The following EPAS1 variants were observed in gnomAD, a reference collection of about 807,000 sequenced individuals.
EPAS1 encodes the protein endothelial PAS domain protein 1.
In EPAS1, 23 loss-of-function variants were observed where a neutral mutation model predicts 87.9. The observed-to-expected ratio is 0.26, with a 90% CI of 0.19 to 0.37. The LOEUF (loss-of-function observed/expected upper bound fraction) is 0.37. Ranked by LOEUF, EPAS1 falls within the 10% of genes least tolerant of loss-of-function variation. The probability of loss-of-function intolerance (pLI) is 1.00; values close to 1 mark genes in which losing one functional copy is unlikely to be tolerated. For missense variants in EPAS1, 1,138 were observed against 1,120.7 expected (o/e 1.02, Z -0.22); for synonymous variants, 508 against 444.3 (o/e 1.14, Z -1.80).
intron 1 of EPAS1, among the ~76,000 whole-genome samples, chr2:46,319,095 A>C (rs1158206289): frequency 6.6e-6 from 1 of 152,162 alleles, no homozygotes; most frequent in Non-Finnish European, 1.5e-5. Flanking sequence ...TATATTTCTG[A>C]CCAGTGTGTT....
rs761233957 is a variant in EPAS1, at chr2:46,375,772, G to A, written c.969G>A (p.Gly323=). 11 of 1,614,244 alleles carry A rather than the reference G, an allele frequency of 6.8e-6. No homozygotes were observed. Among genetic ancestry groups the A allele is most frequent in the South Asian group, 6.6e-5 (6 of 91,086 alleles). The change falls in exon 8 of 16, where the codon GGG becomes GGA. Residue 323 remains glycine, a synonymous_variant. Coordinates refer to ENST00000263734, the MANE Select transcript of EPAS1 (RefSeq NM_001430.5). This position sits in a 1 kb window ranked among gnomAD's most constrained non-coding sequence, Gnocchi z 4.1. ...HGGYVWLETQ[G]TVIYNPRNLQ... The stretch of plus-strand genomic sequence containing the variant: ...GCTACGTGTGGCTGGAGACCCAGGG[G>A]ACGGTCATCTACAACCCTCGCAACC...
Position 46,385,730 on chromosome 2 carries a change from G to A in EPAS1, c.*1070G>A, listed in dbSNP as rs1221892157. On this transcript the variant is annotated 3_prime_UTR_variant, in exon 16 of 16. Transcript: ENST00000263734. ...ATTATTGCTGCCAAGAGGGTCTGAT[G>A]GCACGTTGTGGGGTCGGGGGGTGGG... 1 of 151,574 alleles carries A rather than the reference G, an allele frequency of 6.6e-6. No individual in the cohort carries two copies. The highest frequency in any genetic ancestry group is 1.9e-4 in the East Asian group (1 of 5,168). The allele number at this position is 151,574 out of a possible 1,614,324, so 9.4% of individuals were successfully genotyped here.
intron 1 of EPAS1, among the ~76,000 whole-genome samples, chr2:46,339,141 A>C (rs912711559): frequency 2.0e-5 from 3 of 152,366 alleles, no homozygotes; most frequent in Admixed American, 6.5e-5. Flanking sequence ...GGCTATTATG[A>C]ATATTTTGAA....
At chr2:46,327,964 C>A (rs983099799) in intron 1 of EPAS1, among the ~76,000 whole-genome samples, 4 of 152,180 alleles carry the variant, frequency 2.6e-5, no homozygotes, top group Non-Finnish European at 5.9e-5. Context: ...CAAATGTTAA[C>A]CTACCTCCGG....
At chr2:46,373,845 A>G (rs1459996064) in intron 7 of EPAS1, among the ~76,000 whole-genome samples, 1 of 152,252 alleles carries the variant, frequency 6.6e-6, no homozygotes, top group Admixed American at 6.5e-5. Flanking sequence ...TTTAATTTGA[A>G]CTATAATTCT....
Position 46,382,519 on chromosome 2 carries a change from C to T in EPAS1, c.2382C>T (p.Asn794=). ...QPPSAISPGE[N]SKSRFPPQCY... is the part of the protein sequence containing the mutation. ...CATCTGCCATCAGTCCCGGGGAGAACAGCAAGAGCAGGTTCCCCCCACAGT... is the reference window on the plus strand; with the variant it reads ...CATCTGCCATCAGTCCCGGGGAGAATAGCAAGAGCAGGTTCCCCCCACAGT... Residue 794 remains asparagine, a synonymous_variant, in exon 15 of 16, where the codon AAC becomes AAT. Transcript: ENST00000263734. The T allele has an allele frequency of 6.2e-7, 1 of 1,614,172 alleles. No individual in the cohort carries two copies. Among genetic ancestry groups the T allele is most frequent in the Non-Finnish European group, 8.5e-7 (1 of 1,180,040 alleles).
Position 46,375,201 on chromosome 2 carries a change from A to C in EPAS1, c.887-489A>C, listed in dbSNP as rs1217912282. 1.4e-5 allele frequency among the ~76,000 whole-genome samples: 2 copies of C among 147,438 alleles called. No individual in the cohort carries two copies. Among genetic ancestry groups the C allele is most frequent in the Non-Finnish European group, 3.0e-5 (2 of 66,324 alleles). ...CTGAAAAAAAAAAACAAAAAAAAACAAAAAAAACTGCCCTGAGGTCAGGCT... is the reference window on the plus strand; with the variant it reads ...CTGAAAAAAAAAAACAAAAAAAAACCAAAAAAACTGCCCTGAGGTCAGGCT... On this transcript the variant is annotated intron_variant, in intron 7 of 15. Coordinates refer to ENST00000263734, the MANE Select transcript of EPAS1 (RefSeq NM_001430.5). The surrounding 1 kb of genome is among the most constrained non-coding windows in gnomAD (Gnocchi z 4.1).
At chr2:46,381,570 A>G in intron 12 of EPAS1, 26 bp from the exon 13 acceptor site, 1 of 1,613,814 alleles carries the variant, frequency 6.2e-7, no homozygotes, top group Non-Finnish European at 8.5e-7. Context: ...AGACTCCCTC[A>G]TAGCCTGCTC....
In EPAS1 at chr2:46,375,892, C is replaced by A. The variant is rs1684734575; in HGVS notation, c.1034+55C>A. ...TGCAGGGTATGTGGGGGTGCCCAAG[C>A]TTCCCAGACTCAGGATGACAGGCCT... is the stretch of plus-strand genomic sequence containing the variant. On this transcript the variant is annotated intron_variant, in intron 8 of 15. Transcript: ENST00000263734. This position sits in a 1 kb window ranked among gnomAD's most constrained non-coding sequence, Gnocchi z 4.1. The A allele has an allele frequency of 6.2e-7, 1 of 1,611,458 alleles. No individual in the cohort carries two copies. Among genetic ancestry groups the A allele is most frequent in the African/African-American group, 1.3e-5 (1 of 74,992 alleles).
At chr2:46,325,308 G>A (rs1558587840) in intron 1 of EPAS1, among the ~76,000 whole-genome samples, 1 of 152,228 alleles carries the variant, frequency 6.6e-6, no homozygotes, top group Non-Finnish European at 1.5e-5. Flanking sequence ...GGAGAGAACT[G>A]TTTTGTCCTA....
At chr2:46,363,184 G>A (rs1222412252) in intron 6 of EPAS1, among the ~76,000 whole-genome samples, 1 of 152,176 alleles carries the variant, frequency 6.6e-6, no homozygotes, top group African/African-American at 2.4e-5. Context: ...GAGATAACAT[G>A]GACAATCCCA....
chr2:46,341,367 T>G (rs1006107633), intron 1 of EPAS1, among the ~76,000 whole-genome samples: 3 of 152,238 alleles, frequency 2.0e-5, no homozygotes, highest in Non-Finnish European at 2.9e-5. Flanking sequence ...GAGTTGTGAC[T>G]GATTTTCTTA....
chr2:46,352,938 A>C (rs1237568729), intron 2 of EPAS1, among the ~76,000 whole-genome samples: 1 of 152,220 alleles, frequency 6.6e-6, no homozygotes, highest in African/African-American at 2.4e-5. Flanking sequence ...GGTGGAAACC[A>C]GTTTGGCTGT....
Position 46,336,999 on chromosome 2 carries a change from C to G in EPAS1, c.27-9874C>G, listed in dbSNP as rs143916403. On this transcript the variant is annotated intron_variant, in intron 1 of 15. Coordinates refer to ENST00000263734, the MANE Select transcript of EPAS1 (RefSeq NM_001430.5). ...TTGAGTGTCCGCAGGGTGACTCTTCCCAGATGGAAACCGTCTATTCTAATT... is the reference window on the plus strand; with the variant it reads ...TTGAGTGTCCGCAGGGTGACTCTTCGCAGATGGAAACCGTCTATTCTAATT... Among the ~76,000 whole-genome samples the G allele has an allele frequency of 4.0e-4, 61 of 152,294 alleles. 2 individuals are homozygous for G. In the East Asian group the frequency reaches 9.1e-3, roughly 23 times the overall value.
At chr2:46,383,998 G>T (rs1318416067) in intron 15 of EPAS1, among the ~76,000 whole-genome samples, 2 of 152,158 alleles carry the variant, frequency 1.3e-5, no homozygotes, top group Admixed American at 6.5e-5. Context: ...TGTGTGTGCT[G>T]CGAGTGTCCC....
chr2:46,326,321 TGGCTTAAGTATG>T (rs139709419), intron 1 of EPAS1, among the ~76,000 whole-genome samples: 7,936 of 152,114 alleles, frequency 0.052, 679 homozygotes, highest in African/African-American at 0.18. Flanking sequence ...TTTCCTGGAG[TGGCTTAAGTATG>T]GGCGCCAGGA....
At chr2:46,359,257 C>CAAAAAAAAAAAAAA (rs57351888) in intron 4 of EPAS1, among the ~76,000 whole-genome samples, 1,210 of 25,058 alleles carry the variant, frequency 0.048, 216 homozygotes, top group East Asian at 0.12. Context: ...GATTCTGTCT[C>CAAAAAAAAAAAAAA]AAAAAAAAAA....
intron 1 of EPAS1, among the ~76,000 whole-genome samples, chr2:46,313,401 CTGTTT>C (rs1221000113): frequency 2.0e-5 from 3 of 151,998 alleles, no homozygotes; most frequent in Non-Finnish European, 4.4e-5. Flanking sequence ...CCCTCCTGTT[CTGTTT>C]TGTTTTGTTT....
At chr2:46,332,975 G>C (rs543418024) in intron 1 of EPAS1, among the ~76,000 whole-genome samples, 1 of 152,206 alleles carries the variant, frequency 6.6e-6, no homozygotes, top group Admixed American at 6.5e-5. Flanking sequence ...GTGTCAGTGA[G>C]AGCTGACTAG....
Sources: allele counts gnomAD v4.1 joint callset (sites outside exome capture counted in the v4.1 genomes callset), GRCh38; gene constraint gnomAD v4.1.1; non-coding constraint Gnocchi (gnomAD v3.1); transcripts MANE v1.5; gene names NCBI Gene and HGNC (gene_info 2026-07-23, HGNC 2026-07-21).